Variants in GPC5 observed in about 807,000 individuals in gnomAD.
GPC5 encodes the protein glypican 5, also known as glypican-5.
GPC5 carries 47 observed loss-of-function variants against 53.9 expected under a neutral mutation model. The ratio of observed to expected loss-of-function variants is 0.87; its 90% CI spans 0.69 to 1.11. The LOEUF (loss-of-function observed/expected upper bound fraction) is 1.11, where lower values mean the gene tolerates loss of function less well. Among genes scored for constraint, GPC5 ranks in the 50% most tolerant of loss-of-function variants. GPC5 has a pLI of 0.00. For missense variants in GPC5, 748 were observed against 713.1 expected, an observed-to-expected ratio of 1.05 and a Z score of -0.56; for synonymous variants, 286 against 263.3, an observed-to-expected ratio of 1.09 and a Z score of -0.84.
intron 6 of GPC5, among the ~76,000 whole-genome samples, chr13:92,124,984 G>A (rs531263314): frequency 3.3e-5 from 5 of 152,088 alleles, no homozygotes; most frequent in Admixed American, 6.6e-5. Context: ...GTAATGCAGC[G>A]TTCCTTCCTT....
chr13:92,119,890 A>G (rs2041634716), intron 6 of GPC5, among the ~76,000 whole-genome samples: 1 of 152,106 alleles, frequency 6.6e-6, no homozygotes, highest in South Asian at 2.1e-4. Flanking sequence ...AGCGCTCAAT[A>G]GAAAGAATAA....
chr13:92,371,170 A>C lies in GPC5; in HGVS notation c.1561+226181A>C, dbSNP rs138810958. Among the ~76,000 whole-genome samples, 581 of 152,274 alleles carry C rather than the reference A, an allele frequency of 3.8e-3. 5 individuals are homozygous for C. Among genetic ancestry groups the C allele is most frequent in the African/African-American group, 0.013 (537 of 41,542 alleles). On this transcript the variant is annotated intron_variant, in intron 7 of 7. Transcript: ENST00000377067. ...ATGTCCAAAACCAAACCAAACCAAA[A>C]CAAAACAAAAAGACCTTCTTGTTTT... is the stretch of plus-strand genomic sequence containing the variant.
At chr13:91,489,940 A>G (rs945639991) in intron 2 of GPC5, among the ~76,000 whole-genome samples, 2 of 152,206 alleles carry the variant, frequency 1.3e-5, no homozygotes, top group Admixed American at 6.5e-5. Flanking sequence ...TACCACATGC[A>G]TATATATGAA....
At chr13:91,577,025 CCTT>C (rs1457543807) in intron 2 of GPC5, among the ~76,000 whole-genome samples, 1 of 152,108 alleles carries the variant, frequency 6.6e-6, no homozygotes, top group Non-Finnish European at 1.5e-5. Context: ...CTGTATTTGA[CCTT>C]CTCTCTACTC....
intron 2 of GPC5, among the ~76,000 whole-genome samples, chr13:91,466,325 A>G (rs905020307): frequency 1.3e-5 from 2 of 152,118 alleles, no homozygotes; most frequent in African/African-American, 4.8e-5. Flanking sequence ...TCTACTCTCC[A>G]AGGGGGACTT....
intron 1 of GPC5, among the ~76,000 whole-genome samples, chr13:91,421,164 C>G (rs932196180): frequency 6.6e-6 from 1 of 152,122 alleles, no homozygotes; most frequent in Non-Finnish European, 1.5e-5. Context: ...TAAACACTTC[C>G]AAGGATTTTA....
chr13:91,600,686 G>A (rs1024319602), intron 2 of GPC5, among the ~76,000 whole-genome samples: 1 of 152,044 alleles, frequency 6.6e-6, no homozygotes, highest in African/African-American at 2.4e-5. Flanking sequence ...TCAGCTCACT[G>A]TTATGTTAGG....
At chr13:92,004,303 G>A (rs1437527932) in intron 6 of GPC5, among the ~76,000 whole-genome samples, 2 of 151,032 alleles carry the variant, frequency 1.3e-5, no homozygotes, top group African/African-American at 4.9e-5. Flanking sequence ...AAATTAACTG[G>A]ATGTGGTGAC....
intron 2 of GPC5, among the ~76,000 whole-genome samples, chr13:91,689,083 G>A (rs2035684734): frequency 6.7e-6 from 1 of 150,182 alleles, no homozygotes; most frequent in Non-Finnish European, 1.5e-5. Flanking sequence ...CAGGAGGGTT[G>A]CTTTGAGCAC....
chr13:92,653,839 T>C (rs1886038774), intron 7 of GPC5, among the ~76,000 whole-genome samples: 1 of 152,220 alleles, frequency 6.6e-6, no homozygotes, highest in Non-Finnish European at 1.5e-5. Flanking sequence ...CTGCTGTCTT[T>C]GCCTTTTGTT....
chr13:91,972,724 T>G (rs137867643), intron 6 of GPC5, among the ~76,000 whole-genome samples: 3,481 of 152,048 alleles, frequency 0.023, 128 homozygotes, highest in African/African-American at 0.08. Context: ...CTTCACTTGT[T>G]AAGCTTAGTT....
chr13:91,769,798 C>T (rs1056415624), intron 5 of GPC5, among the ~76,000 whole-genome samples: 11 of 152,158 alleles, frequency 7.2e-5, no homozygotes, highest in Non-Finnish European at 1.6e-4. Context: ...TCTGTATTCA[C>T]ACTCAACACA....
intron 6 of GPC5, among the ~76,000 whole-genome samples, chr13:91,990,496 G>A (rs191333123): frequency 2.0e-4 from 31 of 152,224 alleles, no homozygotes; most frequent in Admixed American, 4.6e-4. Flanking sequence ...ACAAAGGCAG[G>A]TAAAATAGGA....
At chr13:91,934,968 A>C (rs1164051119) in intron 6 of GPC5, among the ~76,000 whole-genome samples, 1 of 151,992 alleles carries the variant, frequency 6.6e-6, no homozygotes, top group East Asian at 1.9e-4. Flanking sequence ...CCAAAATAAA[A>C]ATTTACACAG....
chr13:91,733,393 A>G (rs1349459125), intron 4 of GPC5, among the ~76,000 whole-genome samples: 1 of 152,130 alleles, frequency 6.6e-6, no homozygotes, highest in Non-Finnish European at 1.5e-5. Context: ...TCAGCCTCCC[A>G]AAGTGCAGGG....
intron 5 of GPC5, among the ~76,000 whole-genome samples, chr13:91,793,645 G>A (rs1787727026): frequency 6.6e-6 from 1 of 152,068 alleles, no homozygotes; most frequent in Admixed American, 6.6e-5. Context: ...ACCTGAGACT[G>A]CATAATTAAT....
intron 7 of GPC5, among the ~76,000 whole-genome samples, chr13:92,405,821 C>T (rs778245880): frequency 2.6e-5 from 4 of 152,072 alleles, no homozygotes; most frequent in Non-Finnish European, 5.9e-5. Context: ...TGAAATCACA[C>T]GTTTATTGGA....
intron 4 of GPC5, among the ~76,000 whole-genome samples, chr13:91,730,377 C>T (rs1008679833): frequency 6.6e-6 from 1 of 152,130 alleles, no homozygotes; most frequent in Admixed American, 6.6e-5. Flanking sequence ...GCTACCTTCT[C>T]GTGTGCCTTG....
intron 1 of GPC5, among the ~76,000 whole-genome samples, chr13:91,418,384 G>T (rs1033991508): frequency 6.6e-6 from 1 of 152,136 alleles, no homozygotes; most frequent in Non-Finnish European, 1.5e-5. Context: ...ACTTATCTGG[G>T]TATATGCATT....
Sources: gnomAD v4.1 joint callset for allele counts (sites outside exome capture counted in the v4.1 genomes callset) on GRCh38, gnomAD v4.1.1 for gene constraint, MANE v1.5 for transcripts, NCBI Gene and HGNC (gene_info 2026-07-23, HGNC 2026-07-21) for gene names.